The following ANKS1B variants were observed in gnomAD, a reference collection of about 807,000 sequenced individuals.
ANKS1B encodes the protein ankyrin repeat and sterile alpha motif domain containing 1B.
In ANKS1B, 36 loss-of-function variants were observed where a neutral mutation model predicts 148.3. The ratio of observed to expected loss-of-function variants is 0.24; its 90% CI spans 0.19 to 0.32. The LOEUF is 0.32. Among genes scored for constraint, ANKS1B ranks in the 10% least tolerant of loss-of-function variants. ANKS1B has a pLI of 1.00. For missense variants in ANKS1B, 1,157 were observed against 1,542.6 expected (o/e 0.75, Z 4.19); for synonymous variants, 542 against 560.8 (o/e 0.97, Z 0.47).
intron 9 of ANKS1B, among the ~76,000 whole-genome samples, chr12:99,537,786 C>T (rs11613548): frequency 0.21 from 32,274 of 151,902 alleles, 3,662 homozygotes; most frequent in East Asian, 0.3. Flanking sequence ...TCCATTTTTG[C>T]TGTGGTTGTC....
At chr12:99,797,783 C>T (rs1313796171) in intron 4 of ANKS1B, among the ~76,000 whole-genome samples, 3 of 151,826 alleles carry the variant, frequency 2.0e-5, no homozygotes, top group Non-Finnish European at 2.9e-5. Context: ...GAAATTCTCT[C>T]ATTGATTGGA....
At chr12:99,003,428 A>G (rs1247636895) in intron 17 of ANKS1B, among the ~76,000 whole-genome samples, 2 of 152,186 alleles carry the variant, frequency 1.3e-5, no homozygotes, top group African/African-American at 4.8e-5. Flanking sequence ...GGTAGTGTGG[A>G]TACTTCCACA....
At chr12:99,916,742 G>A (rs568812295) in intron 1 of ANKS1B, among the ~76,000 whole-genome samples, 53 of 152,302 alleles carry the variant, frequency 3.5e-4, no homozygotes, top group African/African-American at 1.2e-3. Flanking sequence ...TCATGGATGA[G>A]TCAGCTAAAT....
chr12:99,599,094 T>A (rs1165375143), intron 9 of ANKS1B, among the ~76,000 whole-genome samples: 1 of 152,110 alleles, frequency 6.6e-6, no homozygotes, highest in African/African-American at 2.4e-5. Flanking sequence ...CTCCTTCTTA[T>A]AAGGATACAT....
chr12:99,640,619 C>T (rs149114493), intron 9 of ANKS1B, among the ~76,000 whole-genome samples: 236 of 152,230 alleles, frequency 1.6e-3, no homozygotes, highest in Middle Eastern at 3.4e-3. Context: ...TCCCAGCCTT[C>T]GAAACTGTGA....
chr12:99,851,183 G>T (rs2087769337), intron 1 of ANKS1B, among the ~76,000 whole-genome samples: 1 of 152,008 alleles, frequency 6.6e-6, no homozygotes, highest in Non-Finnish European at 1.5e-5. Context: ...TCATCAAAAT[G>T]CAGAAAATCA....
chr12:99,977,592 C>T (rs2095644961), intron 1 of ANKS1B, among the ~76,000 whole-genome samples: 1 of 152,130 alleles, frequency 6.6e-6, no homozygotes, highest in South Asian at 2.1e-4. Context: ...CAATTAAAAG[C>T]CTCATCCAGA....
chr12:99,113,502 T>C (rs898768523), intron 15 of ANKS1B, among the ~76,000 whole-genome samples: 4 of 152,254 alleles, frequency 2.6e-5, no homozygotes, highest in African/African-American at 4.8e-5. Context: ...CATTAGCAGG[T>C]ACTCAATAAA....
intron 14 of ANKS1B, among the ~76,000 whole-genome samples, chr12:99,180,828 T>TC (rs959622792): frequency 6.6e-6 from 1 of 151,908 alleles, no homozygotes; most frequent in Non-Finnish European, 1.5e-5. Context: ...AGAAGCAAGG[T>TC]CTTTCTGATC....
intron 12 of ANKS1B, among the ~76,000 whole-genome samples, chr12:99,317,053 C>G (rs1440507850): frequency 7.2e-5 from 11 of 152,168 alleles, no homozygotes; most frequent in Admixed American, 7.2e-4. Context: ...CAGTACCATG[C>G]TGTTTTGGTT....
At chr12:98,970,420 C>A (rs2099882215) in intron 17 of ANKS1B, among the ~76,000 whole-genome samples, 1 of 152,188 alleles carries the variant, frequency 6.6e-6, no homozygotes, top group South Asian at 2.1e-4. Context: ...TTTGGCCTAG[C>A]ATAGTACCTG....
At chr12:99,377,586 A>C (rs2093443987) in intron 12 of ANKS1B, among the ~76,000 whole-genome samples, 1 of 152,256 alleles carries the variant, frequency 6.6e-6, no homozygotes, top group African/African-American at 2.4e-5. Flanking sequence ...AAATCTTTTA[A>C]GCTTTTCAAA....
At chr12:99,272,224 G>T (rs998510281) in intron 12 of ANKS1B, among the ~76,000 whole-genome samples, 1 of 152,128 alleles carries the variant, frequency 6.6e-6, no homozygotes, top group Non-Finnish European at 1.5e-5. Context: ...TGCTATAAAA[G>T]AAGGGAACTG....
chr12:99,228,359 G>T (rs2086282589), intron 14 of ANKS1B, among the ~76,000 whole-genome samples: 1 of 152,070 alleles, frequency 6.6e-6, no homozygotes, highest in African/African-American at 2.4e-5. Flanking sequence ...GAGTGTCAGA[G>T]AACTGTATAT....
chr12:99,868,909 T>C (rs760316172), intron 1 of ANKS1B, among the ~76,000 whole-genome samples: 3 of 151,782 alleles, frequency 2.0e-5, no homozygotes, highest in Admixed American at 6.6e-5. Flanking sequence ...AATACAAAAA[T>C]AGCCGGGCAT....
chr12:98,774,132 T>C (rs1300150879), intron 24 of ANKS1B, among the ~76,000 whole-genome samples: 1 of 152,180 alleles, frequency 6.6e-6, no homozygotes, highest in Non-Finnish European at 1.5e-5. Context: ...TTAACAACAC[T>C]TTCCTAACTA....
rs534968265 is a variant in ANKS1B at position 99,352,756 on chromosome 12, T to C, written c.1756+46875A>G. Among the ~76,000 whole-genome samples the C allele has an allele frequency of 2.6e-5, 4 of 152,156 alleles. No homozygotes were observed. The East Asian group carries it at 7.7e-4, about 29-fold the overall frequency. ...TCCATGAATTATTTACTTAAAAACT[T>C]AAACATCCAGAGATTGAGTTCTCAG... On this transcript the variant is annotated intron_variant, in intron 12 of 26. Transcript: ENST00000683438.
At chr12:99,791,609 T>A (rs10735371) in intron 4 of ANKS1B, among the ~76,000 whole-genome samples, 1 of 151,594 alleles carries the variant, frequency 6.6e-6, no homozygotes, top group Non-Finnish European at 1.5e-5. Context: ...AGAGAAATTT[T>A]GGAAACTATG....
rs1324080933 is a variant in ANKS1B, at chr12:99,891,611, T to C, written c.135-66222A>G. Reference sequence around the variant, plus strand: ...TTAGCCATTTGTAGATCTTCTTCAGTGAAATGTCTATTAGAATCTTTGACT... The same window carrying C: ...TTAGCCATTTGTAGATCTTCTTCAGCGAAATGTCTATTAGAATCTTTGACT... On this transcript the variant is annotated intron_variant, in intron 1 of 26. Coordinates refer to ENST00000683438, the MANE Select transcript of ANKS1B (RefSeq NM_001352186.2). 2.0e-5 allele frequency among the ~76,000 whole-genome samples: 3 copies of C among 152,286 alleles called. No individual in the cohort carries two copies. The East Asian group carries it at 5.8e-4, about 29-fold the overall frequency.
Sources: gnomAD v4.1 joint callset for allele counts (sites outside exome capture counted in the v4.1 genomes callset) on GRCh38, gnomAD v4.1.1 for gene constraint, MANE v1.5 for transcripts, NCBI Gene and HGNC (gene_info 2026-07-23, HGNC 2026-07-21) for gene names.